The following GRXCR1 variants were observed in gnomAD, a reference collection of about 807,000 sequenced individuals.
GRXCR1 encodes the protein glutaredoxin domain-containing cysteine-rich protein 1.
In GRXCR1, 27 loss-of-function variants were observed where a neutral mutation model predicts 27.3. The ratio of observed to expected loss-of-function variants is 0.99; its 90% CI spans 0.73 to 1.37. The LOEUF (loss-of-function observed/expected upper bound fraction) is 1.37. GRXCR1 is among the 40% of genes most tolerant of loss of function. The pLI is 0.00. For synonymous variants in GRXCR1, 122 were observed against 131.1 expected (o/e 0.93, Z 0.47); for missense variants, 379 against 354.4 (o/e 1.07, Z -0.56).
chr4:42,964,017 T>G (rs1487631976), intron 2 of GRXCR1, among the ~76,000 whole-genome samples: 2 of 152,012 alleles, frequency 1.3e-5, no homozygotes, highest in African/African-American at 4.8e-5. Context: ...GGAATCAATC[T>G]GTGTTTTAAT....
chr4:42,925,766 TA>T (rs1450993699), intron 1 of GRXCR1, among the ~76,000 whole-genome samples: 14 of 152,064 alleles, frequency 9.2e-5, no homozygotes, highest in African/African-American at 2.4e-4. Flanking sequence ...ATTACTCTGA[TA>T]GGGGCAGAAT....
intron 1 of GRXCR1, among the ~76,000 whole-genome samples, chr4:42,917,704 A>G (rs145394709): frequency 9.8e-5 from 15 of 152,300 alleles, no homozygotes; most frequent in South Asian, 2.1e-4. Flanking sequence ...CTGCCCTGGC[A>G]GAAAGGCTAC....
chr4:42,986,996 A>ATGTGTGTG (rs1160821665), intron 2 of GRXCR1, among the ~76,000 whole-genome samples: 1 of 113,014 alleles, frequency 8.8e-6, no homozygotes, highest in Non-Finnish European at 1.8e-5. Flanking sequence ...TTTAAGAGAT[A>ATGTGTGTG]TGTGTATGTG....
chr4:42,936,118 C>A lies in GRXCR1; in HGVS notation c.385-26774C>A, dbSNP rs557254054. ...TGTTAATTTGGGCAACAAGGAGGAA[C>A]AGGTGAGAATTATCCCTCTTTGGAG... is the stretch of plus-strand genomic sequence containing the variant. On this transcript the variant is annotated intron_variant, in intron 1 of 3. Transcript: ENST00000399770. Among the ~76,000 whole-genome samples the A allele has an allele frequency of 3.3e-5, 5 of 151,958 alleles. No individual in the cohort carries two copies. In the East Asian group the frequency reaches 9.7e-4, roughly 30 times the overall value.
At chr4:42,894,897 T>C (rs1185170955) in intron 1 of GRXCR1, among the ~76,000 whole-genome samples, 2 of 152,042 alleles carry the variant, frequency 1.3e-5, no homozygotes, top group East Asian at 3.9e-4. Flanking sequence ...TGCTAAGGAG[T>C]AGACCAAGAT....
chr4:42,987,230 T>TA (rs1491365233), intron 2 of GRXCR1, among the ~76,000 whole-genome samples: 1 of 85,522 alleles, frequency 1.2e-5, no homozygotes, highest in African/African-American at 4.6e-5. Flanking sequence ...TATTATATAT[T>TA]ATATATATAT....
intron 1 of GRXCR1, among the ~76,000 whole-genome samples, chr4:42,905,889 A>G (rs552660637): frequency 1.1e-4 from 16 of 152,282 alleles, no homozygotes; most frequent in Non-Finnish European, 2.1e-4. Flanking sequence ...GAAATAGCTG[A>G]TGAACAAACA....
At chr4:42,926,231 T>C (rs544506154) in intron 1 of GRXCR1, among the ~76,000 whole-genome samples, 1 of 152,058 alleles carries the variant, frequency 6.6e-6, no homozygotes, top group Admixed American at 6.6e-5. Flanking sequence ...TATTGTGATG[T>C]TCCTTTCATT....
chr4:42,972,542 G>T (rs1338917654), intron 2 of GRXCR1, among the ~76,000 whole-genome samples: 1 of 152,092 alleles, frequency 6.6e-6, no homozygotes, highest in South Asian at 2.1e-4. Context: ...GATAACTCAG[G>T]ATAGTTTTTA....
At chr4:43,003,873 A>G (rs1421525374) in intron 2 of GRXCR1, among the ~76,000 whole-genome samples, 2 of 152,244 alleles carry the variant, frequency 1.3e-5, no homozygotes, top group African/African-American at 4.8e-5. Flanking sequence ...TGTGGTAGAA[A>G]AGAAGAAAAC....
chr4:42,962,910 G>T lies in GRXCR1; in HGVS notation c.403G>T (p.Glu135Ter), dbSNP rs776474443. 6.2e-7 allele frequency: 1 copy of T among 1,612,486 alleles called. No homozygotes were observed. The highest frequency in any genetic ancestry group is 1.3e-5 in the African/African-American group (1 of 74,830). Reference sequence around the variant, plus strand: ...CCTTCAGCAACCATCAACTGATCTAGAATTTGACCGTGTAGTGATTTATAC... The same window carrying T: ...CCTTCAGCAACCATCAACTGATCTATAATTTGACCGTGTAGTGATTTATAC... Reference protein sequence around the residue: ...KVLQQPSTDLEFDRVVIYTTC... With the variant: ...KVLQQPSTDL The change falls in exon 2 of 4, where the codon GAA (glutamate) becomes TAA (stop). Residue 135 changes from glutamate (E) to a stop codon, truncating the protein, a stop_gained. Transcript: ENST00000399770. LOFTEE classifies it high-confidence loss of function.
intron 2 of GRXCR1, among the ~76,000 whole-genome samples, chr4:42,994,681 C>T (rs533509378): frequency 7.9e-5 from 12 of 152,054 alleles, no homozygotes; most frequent in Non-Finnish European, 1.5e-5. Context: ...TCTGAGAATA[C>T]CTAGTAAAGT....
chr4:42,970,989 G>T (rs984173094), intron 2 of GRXCR1, among the ~76,000 whole-genome samples: 1 of 152,054 alleles, frequency 6.6e-6, no homozygotes, highest in African/African-American at 2.4e-5. Flanking sequence ...CATCTTAAAT[G>T]CTTTGCTGCT....
rs143273803 is a variant in GRXCR1 at position 42,939,748 on chromosome 4, G to C, written c.385-23144G>C. On this transcript the variant is annotated intron_variant, in intron 1 of 3. Transcript: ENST00000399770. ...CAGATAGTATGGTGGCAATATGTGGGAGAGGGAGAAGATTCCATTATATTA... is the reference window on the plus strand; with the variant it reads ...CAGATAGTATGGTGGCAATATGTGGCAGAGGGAGAAGATTCCATTATATTA... 6.5e-4 allele frequency among the ~76,000 whole-genome samples: 99 copies of C among 152,122 alleles called. 1 individual carries two copies. The highest frequency in any genetic ancestry group is 2.2e-3 in the African/African-American group (93 of 41,530).
intron 1 of GRXCR1, among the ~76,000 whole-genome samples, chr4:42,948,271 TGC>T (rs1747794898): frequency 6.6e-6 from 1 of 151,678 alleles, no homozygotes; most frequent in Non-Finnish European, 1.5e-5. Context: ...GAAAGCATAT[TGC>T]AAGATAAGAG....
At chr4:42,902,969 T>C (rs1390062050) in intron 1 of GRXCR1, among the ~76,000 whole-genome samples, 2 of 152,164 alleles carry the variant, frequency 1.3e-5, no homozygotes, top group Non-Finnish European at 2.9e-5. Flanking sequence ...GGGAAATAAC[T>C]ATGATCTCAG....
At chr4:42,929,214 AATG>A (rs994801437) in intron 1 of GRXCR1, among the ~76,000 whole-genome samples, 3 of 151,990 alleles carry the variant, frequency 2.0e-5, no homozygotes, top group African/African-American at 7.2e-5. Flanking sequence ...CAAATATAAA[AATG>A]ATGACCTGTC....
chr4:42,907,934 A>G (rs1362873745), intron 1 of GRXCR1, among the ~76,000 whole-genome samples: 1 of 152,148 alleles, frequency 6.6e-6, no homozygotes, highest in Admixed American at 6.5e-5. Context: ...ACAGCTTCCC[A>G]TTGGTTCCTG....
At chr4:42,943,710 C>A (rs1747677006) in intron 1 of GRXCR1, among the ~76,000 whole-genome samples, 1 of 152,002 alleles carries the variant, frequency 6.6e-6, no homozygotes, top group Non-Finnish European at 1.5e-5. Flanking sequence ...CTTATTCATT[C>A]AAGAAATATT....
Sources: allele counts gnomAD v4.1 joint callset (sites outside exome capture counted in the v4.1 genomes callset), GRCh38; gene constraint gnomAD v4.1.1; transcripts MANE v1.5; gene names NCBI Gene and HGNC (gene_info 2026-07-23, HGNC 2026-07-21).